CD8B2: variants seen among roughly 807,000 people sequenced by gnomAD.
CD8B2 encodes CD8B family member 2.
In CD8B2, 11 loss-of-function variants were observed where a neutral mutation model predicts 23.7. The ratio of observed to expected loss-of-function variants is 0.46; its 90% CI spans 0.29 to 0.77. The LOEUF is 0.77. CD8B2 is among the 30% of genes least tolerant of loss of function. CD8B2 has a pLI of 0.09. For synonymous variants in CD8B2, 90 were observed against 109.3 expected (o/e 0.82, Z 1.10); for missense variants, 197 against 270.5 (o/e 0.73, Z 1.91).
chr2:106,497,734 GAGTAA>G, intron 3 of CD8B2, among the ~76,000 whole-genome samples: 1 of 152,310 alleles, frequency 6.6e-6, no homozygotes, highest in East Asian at 1.9e-4. Context: ...ATGTACAGAA[GAGTAA>G]AGTCTTAAGG....
chr2:106,496,601 T>G (rs1679304661), intron 3 of CD8B2, among the ~76,000 whole-genome samples: 2 of 152,160 alleles, frequency 1.3e-5, no homozygotes, highest in Non-Finnish European at 2.9e-5. Context: ...TGTGGCTTAT[T>G]TATTATCGTG....
intron 2 of CD8B2, among the ~76,000 whole-genome samples, chr2:106,491,772 C>T (rs1679201227): frequency 6.6e-6 from 1 of 152,196 alleles, no homozygotes; most frequent in African/African-American, 2.4e-5. Context: ...GGGTCTCGAA[C>T]TCCTGACCTC....
At position 106,507,121 on chromosome 2, in the gene CD8B2, T is replaced by TG. The variant is rs1439574367; in HGVS notation, c.*184dup. ...GACGTGCATGGGAGCAACTTGTTTG[T>TG]GGGTCATCGGGAATACTAGGGAGAA... On this transcript the variant is annotated 3_prime_UTR_variant, in exon 6 of 6. Coordinates refer to ENST00000643224, the MANE Select transcript of CD8B2 (RefSeq NM_001349727.2). 6.7e-7 allele frequency: 1 copy of TG among 1,481,654 alleles called. No homozygotes were observed. The highest frequency in any genetic ancestry group is 1.4e-5 in the African/African-American group (1 of 70,878). 91.8% of individuals were successfully genotyped at this position (1,481,654 alleles called of 1,614,324 possible).
intron 5 of CD8B2, among the ~76,000 whole-genome samples, chr2:106,542,473 C>A (rs1412813534): frequency 1.3e-5 from 2 of 151,974 alleles, no homozygotes; most frequent in African/African-American, 4.8e-5. Flanking sequence ...CAATATATAT[C>A]CTGGATTTTC....
At chr2:106,501,056 T>G (rs1014249993) in intron 3 of CD8B2, among the ~76,000 whole-genome samples, 1 of 152,196 alleles carries the variant, frequency 6.6e-6, no homozygotes, top group Non-Finnish European at 1.5e-5. Context: ...TGCCGCCTTT[T>G]AGGGAGGCAT....
intron 5 of CD8B2, chr2:106,543,949 C>T (rs537098400): frequency 1.7e-3 from 667 of 398,586 alleles, no homozygotes; most frequent in Non-Finnish European, 2.4e-3. Context: ...GCATCTGATT[C>T]GATTGTTCTT....
At chr2:106,524,516 T>G (rs553073546) in intron 5 of CD8B2, among the ~76,000 whole-genome samples, 1 of 152,280 alleles carries the variant, frequency 6.6e-6, no homozygotes, top group South Asian at 2.1e-4. Context: ...AGGCATCACC[T>G]GAGTCTCTTG....
chr2:106,523,186 G>C (rs750216581), intron 5 of CD8B2, among the ~76,000 whole-genome samples: 61 of 152,130 alleles, frequency 4.0e-4, no homozygotes, highest in Non-Finnish European at 7.2e-4. Context: ...CTCTGAGAAA[G>C]AGAGTAACAT....
At chr2:106,533,200 C>T (rs940970716) in intron 5 of CD8B2, among the ~76,000 whole-genome samples, 1 of 152,268 alleles carries the variant, frequency 6.6e-6, no homozygotes. Context: ...GGGCAGAATC[C>T]GGGGGCACCA....
At chr2:106,536,030 CT>C (rs869103310) in intron 5 of CD8B2, among the ~76,000 whole-genome samples, 24,372 of 123,830 alleles carry the variant, frequency 0.2, 1,960 homozygotes, top group Middle Eastern at 0.27. Flanking sequence ...GCCACACACA[CT>C]TTTTTTTTTT....
At chr2:106,536,661 A>G (rs1680095922) in intron 5 of CD8B2, among the ~76,000 whole-genome samples, 1 of 152,232 alleles carries the variant, frequency 6.6e-6, no homozygotes, top group South Asian at 2.1e-4. Flanking sequence ...TATTAAGCAC[A>G]GAGGGTAGGC....
At chr2:106,534,900 C>T (rs181391374) in intron 5 of CD8B2, among the ~76,000 whole-genome samples, 1 of 152,114 alleles carries the variant, frequency 6.6e-6, no homozygotes, top group East Asian at 1.9e-4. Context: ...CTCACTGCAA[C>T]CTCCTCCGCC....
intron 3 of CD8B2, among the ~76,000 whole-genome samples, chr2:106,497,210 T>C (rs1323182634): frequency 6.6e-6 from 1 of 152,060 alleles, no homozygotes; most frequent in Non-Finnish European, 1.5e-5. Context: ...GAGGTGGAGA[T>C]TGAAGTGAGC....
At chr2:106,544,159 G>A in exon 6 of CD8B2, 2 of 398,264 alleles carry the variant, frequency 5.0e-6, no homozygotes, top group African/African-American at 2.1e-5. Flanking sequence ...CAGACTGCAT[G>A]CGTGTCTAGC....
At chr2:106,530,448 G>C (rs1192840301) in intron 5 of CD8B2, among the ~76,000 whole-genome samples, 1 of 152,108 alleles carries the variant, frequency 6.6e-6, no homozygotes, top group South Asian at 2.1e-4. Context: ...GCGCGATCTC[G>C]GCTCACTGCA....
intron 1 of CD8B2, among the ~76,000 whole-genome samples, chr2:106,488,633 G>A (rs1679128631): frequency 2.6e-5 from 4 of 152,176 alleles, no homozygotes; most frequent in Non-Finnish European, 5.9e-5. Context: ...TCAATTCAGT[G>A]GTTCAAAGTC....
intron 2 of CD8B2, among the ~76,000 whole-genome samples, chr2:106,493,064 G>A (rs1034830841): frequency 6.6e-6 from 1 of 152,044 alleles, no homozygotes; most frequent in African/African-American, 2.4e-5. Context: ...CCTGACTTCA[G>A]TGTTTCCAAA....
In CD8B2 at chr2:106,521,407, T is replaced by G. The variant is rs563223832; in HGVS notation, c.620+17082T>G. On this transcript the variant is annotated intron_variant, in intron 5 of 5. Transcript: ENST00000416057. Reference sequence around the variant, plus strand: ...CACCTGTGAAAGCTTCGAGCTTGCGTGTCTATGTCTGCAGCTCAATTTTAC... The same window carrying G: ...CACCTGTGAAAGCTTCGAGCTTGCGGGTCTATGTCTGCAGCTCAATTTTAC... Among the ~76,000 whole-genome samples the G allele has an allele frequency of 1.1e-3, 163 of 152,312 alleles. 2 individuals carry two copies. Among genetic ancestry groups the G allele is most frequent in the Non-Finnish European group, 2.0e-3 (138 of 68,032 alleles).
intron 4 of CD8B2, 106 bp from the exon 5 acceptor site, chr2:106,504,183 T>C: frequency 6.8e-7 from 1 of 1,470,484 alleles, no homozygotes; most frequent in Non-Finnish European, 9.1e-7. Flanking sequence ...ACCAGGGAGG[T>C]GGGCTGAGGT....
Sources: gnomAD v4.1 joint callset for allele counts (sites outside exome capture counted in the v4.1 genomes callset) on GRCh38, gnomAD v4.1.1 for gene constraint, MANE v1.5 for transcripts, NCBI Gene and HGNC (gene_info 2026-07-23, HGNC 2026-07-21) for gene names.